TRIO: variants seen among roughly 807,000 people sequenced by gnomAD.
TRIO encodes the protein triple functional domain protein.
Under a neutral mutation model 351.9 loss-of-function variants are expected in TRIO, and 58 were observed. That is an observed-to-expected ratio of 0.16 (90% CI 0.13 to 0.21). The LOEUF (loss-of-function observed/expected upper bound fraction) is 0.21. Among genes scored for constraint, TRIO ranks in the 10% least tolerant of loss-of-function variants. The probability of loss-of-function intolerance (pLI) is 1.00; values close to 1 mark genes in which losing one functional copy is unlikely to be tolerated. For synonymous variants in TRIO, 1,758 were observed against 1,595.7 expected (o/e 1.10, Z -2.42); for missense variants, 3,201 against 4,027.8 (o/e 0.79, Z 5.56).
chr5:14,369,561 G>C, intron 18 of TRIO, 38 bp downstream of exon 18: 1 of 1,570,648 alleles, frequency 6.4e-7, no homozygotes, highest in South Asian at 1.2e-5. Flanking sequence ...CCCATCAGAG[G>C]CTTCCTGCCT....
chr5:14,447,034 C>T (rs1233425852), intron 34 of TRIO, among the ~76,000 whole-genome samples: 4 of 152,154 alleles, frequency 2.6e-5, no homozygotes, highest in Admixed American at 2.6e-4. Context: ...AGTTCAAGAC[C>T]AGGCTGGCCA....
At chr5:14,424,531 G>A (rs1423953182) in intron 34 of TRIO, among the ~76,000 whole-genome samples, 1 of 152,092 alleles carries the variant, frequency 6.6e-6, no homozygotes, top group Non-Finnish European at 1.5e-5. Context: ...TTGCTTGTGG[G>A]TGACTTGAGC....
At chr5:14,381,565 C>G (rs1746108619) in intron 21 of TRIO, among the ~76,000 whole-genome samples, 1 of 152,170 alleles carries the variant, frequency 6.6e-6, no homozygotes, top group South Asian at 2.1e-4. Context: ...TTTCTGAGGA[C>G]TTGCTATTTT....
intron 1 of TRIO, among the ~76,000 whole-genome samples, chr5:14,253,503 C>G (rs1794859170): frequency 6.6e-6 from 1 of 151,608 alleles, no homozygotes; most frequent in Admixed American, 6.5e-5. Context: ...CAGGTCCCGG[C>G]TGATTTCTTT....
chr5:14,352,376 G>A (rs1743216375), intron 11 of TRIO, among the ~76,000 whole-genome samples: 1 of 152,152 alleles, frequency 6.6e-6, no homozygotes, highest in Admixed American at 6.5e-5. Flanking sequence ...TCTTGCTGCT[G>A]GGCAAAGATT....
chr5:14,275,428 TAAA>T (rs2152272797), intron 2 of TRIO, among the ~76,000 whole-genome samples: 1 of 152,292 alleles, frequency 6.6e-6, no homozygotes, highest in Non-Finnish European at 1.5e-5. Flanking sequence ...TTGTAAGACT[TAAA>T]AACCCCAACT....
chr5:14,162,288 A>G (rs965676077), intron 1 of TRIO, among the ~76,000 whole-genome samples: 4 of 152,116 alleles, frequency 2.6e-5, no homozygotes, highest in Non-Finnish European at 5.9e-5. Context: ...GGCCCTTCAA[A>G]CTCTCATTTG....
At chr5:14,506,261 G>C (rs1307189285) in intron 55 of TRIO, among the ~76,000 whole-genome samples, 2 of 152,216 alleles carry the variant, frequency 1.3e-5, no homozygotes, top group Admixed American at 1.3e-4. Flanking sequence ...GAAACAAAAT[G>C]GTTTGGCCTC....
At chr5:14,269,622 A>G (rs901994355) in intron 1 of TRIO, among the ~76,000 whole-genome samples, 1 of 152,172 alleles carries the variant, frequency 6.6e-6, no homozygotes. Context: ...TTCCTTTTCC[A>G]GGTGTCTCTC....
At chr5:14,400,191 CA>C (rs1388118981) in intron 30 of TRIO, among the ~76,000 whole-genome samples, 6 of 152,306 alleles carry the variant, frequency 3.9e-5, no homozygotes, top group Non-Finnish European at 7.4e-5. Context: ...GAAAAAAATG[CA>C]ACATTGCTGG....
intron 11 of TRIO, among the ~76,000 whole-genome samples, chr5:14,352,422 G>A (rs1743224565): frequency 1.3e-5 from 2 of 152,236 alleles, no homozygotes; most frequent in East Asian, 3.8e-4. Flanking sequence ...ATGCCCAGAA[G>A]TACAATTTTT....
At chr5:14,221,609 A>G (rs985900515) in intron 1 of TRIO, among the ~76,000 whole-genome samples, 1 of 152,246 alleles carries the variant, frequency 6.6e-6, no homozygotes, top group Admixed American at 6.5e-5. Context: ...TCAGCACTTC[A>G]GTGGAAGAAG....
intron 17 of TRIO, 104 bp from the exon 18 acceptor site, chr5:14,369,270 T>C (rs895484354): frequency 1.4e-6 from 2 of 1,466,950 alleles, no homozygotes; most frequent in African/African-American, 1.4e-5. Flanking sequence ...TTGATCCTCC[T>C]GACAGCATCT....
chr5:14,487,864 G>A lies in TRIO; in HGVS notation c.7236G>A (p.Met2412Ile). ...SEREAEPIPK[M>I]KVLESPRKGA... ...GAGAAGCGGAGCCGATCCCCAAGAT[G>A]AAGGTGCTGGAGAGCCCCAGGAAAG... The change falls in exon 48 of 57, where the codon ATG becomes ATA. Residue 2412 changes from methionine (M) to isoleucine (I), a missense_variant. Coordinates refer to ENST00000344204, the MANE Select transcript of TRIO (RefSeq NM_007118.4). 6.5e-7 allele frequency: 1 copy of A among 1,533,868 alleles called. No individual in the cohort carries two copies. The highest frequency in any genetic ancestry group is 8.8e-7 in the Non-Finnish European group (1 of 1,140,286).
In TRIO at chr5:14,328,123, C is replaced by T. The variant is rs371726999; in HGVS notation, c.1732-2655C>T. Among the ~76,000 whole-genome samples, 9 of 152,218 alleles carry T rather than the reference C, an allele frequency of 5.9e-5. 1 individual carries two copies. In the South Asian group the frequency reaches 8.3e-4, roughly 14 times the overall value. On this transcript the variant is annotated intron_variant, in intron 9 of 56. Coordinates refer to ENST00000344204, the MANE Select transcript of TRIO (RefSeq NM_007118.4). ...GCTCAATACACTAGTTAAAACAATG[C>T]GCTCAATCCACCAGTTAAAGTGCAC... is the stretch of plus-strand genomic sequence containing the variant.
intron 1 of TRIO, among the ~76,000 whole-genome samples, chr5:14,168,522 G>T (rs1788914770): frequency 6.6e-6 from 1 of 152,236 alleles, no homozygotes; most frequent in Non-Finnish European, 1.5e-5. Flanking sequence ...TTGATTTTCA[G>T]GAGGATTGAT....
At chr5:14,416,167 C>T (rs546312507) in intron 33 of TRIO, among the ~76,000 whole-genome samples, 4 of 145,720 alleles carry the variant, frequency 2.7e-5, no homozygotes, top group South Asian at 4.6e-4. Flanking sequence ...CCAAGACCTC[C>T]GTCAGACGTA....
At chr5:14,420,155 C>T in intron 34 of TRIO, 134 bp downstream of exon 34, 1 of 1,358,902 alleles carries the variant, frequency 7.4e-7, no homozygotes, top group Non-Finnish European at 1.0e-6. Flanking sequence ...TGGTCACTGA[C>T]TGTCCGGGCA....
At chr5:14,301,701 A>C (rs1312856866) in intron 7 of TRIO, among the ~76,000 whole-genome samples, 1 of 152,112 alleles carries the variant, frequency 6.6e-6, no homozygotes, top group Non-Finnish European at 1.5e-5. Flanking sequence ...TTCAACACCA[A>C]ACTTGACCTC....
Sources: gnomAD v4.1 joint callset for allele counts (sites outside exome capture counted in the v4.1 genomes callset) on GRCh38, gnomAD v4.1.1 for gene constraint, MANE v1.5 for transcripts, NCBI Gene and HGNC (gene_info 2026-07-23, HGNC 2026-07-21) for gene names.